Variants in SCLT1 observed in about 807,000 individuals in gnomAD.
The protein encoded by SCLT1 is sodium channel-associated protein 1.
A neutral mutation model predicts 112.8 loss-of-function variants in SCLT1; 78 were observed. That is an observed-to-expected ratio of 0.69 (90% CI 0.58 to 0.83). The LOEUF is 0.83. SCLT1 is among the 40% of genes least tolerant of loss of function. SCLT1 has a pLI of 0.00. For missense variants in SCLT1, 747 were observed against 770.4 expected (o/e 0.97, Z 0.36); for synonymous variants, 257 against 254.7 (o/e 1.01, Z -0.09).
chr4:128,948,410 C>G, intron 15 of SCLT1, 86 bp downstream of exon 15: 1 of 1,371,694 alleles, frequency 7.3e-7, no homozygotes, highest in Non-Finnish European at 9.6e-7. Flanking sequence ...AAAGGAATTG[C>G]TAGTAGATGG....
intron 5 of SCLT1, among the ~76,000 whole-genome samples, chr4:129,014,010 C>A (rs1025516960): frequency 1.3e-5 from 2 of 152,128 alleles, no homozygotes; most frequent in Admixed American, 1.3e-4. Flanking sequence ...CACTCCTTTT[C>A]ATTCTTTTAT....
At chr4:129,025,092 C>T (rs1458900415) in intron 5 of SCLT1, among the ~76,000 whole-genome samples, 27 of 151,854 alleles carry the variant, frequency 1.8e-4, no homozygotes, top group South Asian at 1.0e-3. Flanking sequence ...CTGAAAGTGA[C>T]GGGGAGAATG....
chr4:129,084,626 A>G (rs1031396386), intron 1 of SCLT1, among the ~76,000 whole-genome samples: 3 of 152,178 alleles, frequency 2.0e-5, no homozygotes, highest in Non-Finnish European at 2.9e-5. Flanking sequence ...GAACTACACT[A>G]CAGGGCCACA....
chr4:129,039,904 A>G (rs201792964), intron 4 of SCLT1: 469 of 12,798 alleles, frequency 0.037, 3 homozygotes, highest in East Asian at 0.18. Context: ...GCGCGCGCAC[A>G]CACACACACA....
chr4:129,080,315 A>G (rs973178792), intron 2 of SCLT1, among the ~76,000 whole-genome samples: 3 of 152,232 alleles, frequency 2.0e-5, no homozygotes, highest in African/African-American at 4.8e-5. Context: ...CCTTCTAAAT[A>G]TAAGTTCCAG....
chr4:129,070,259 T>C (rs889114922), intron 2 of SCLT1, among the ~76,000 whole-genome samples: 1 of 152,216 alleles, frequency 6.6e-6, no homozygotes, highest in Non-Finnish European at 1.5e-5. Context: ...AATAGTGTGA[T>C]GCTGGCTTCA....
At chr4:129,021,210 C>T (rs1579727789) in intron 5 of SCLT1, among the ~76,000 whole-genome samples, 1 of 152,288 alleles carries the variant, frequency 6.6e-6, no homozygotes, top group South Asian at 2.1e-4. Flanking sequence ...CTATGCTTTT[C>T]CCACGGTTTC....
At chr4:129,031,983 C>A (rs1746765052) in intron 5 of SCLT1, among the ~76,000 whole-genome samples, 1 of 152,020 alleles carries the variant, frequency 6.6e-6, no homozygotes, top group African/African-American at 2.4e-5. Context: ...AAAAAGAGCC[C>A]ATATAGCCAA....
At chr4:128,965,169 C>T (rs1162575048) in intron 11 of SCLT1, 58 bp downstream of exon 11, 1 of 863,340 alleles carries the variant, frequency 1.2e-6, no homozygotes, top group Non-Finnish European at 1.9e-6. Flanking sequence ...CACTGAAACT[C>T]TATTGTAAAA....
intron 18 of SCLT1, among the ~76,000 whole-genome samples, chr4:128,899,880 AACAG>A (rs1280475528): frequency 1.3e-5 from 2 of 152,284 alleles, no homozygotes; most frequent in Admixed American, 1.3e-4. Flanking sequence ...ATACACCAAT[AACAG>A]ACAAACAGAG....
At chr4:129,085,610 A>G (rs910494849) in intron 1 of SCLT1, among the ~76,000 whole-genome samples, 6 of 152,210 alleles carry the variant, frequency 3.9e-5, no homozygotes, top group African/African-American at 1.4e-4. Flanking sequence ...CATGAAATCA[A>G]CCTTAATGCC....
Position 129,009,748 on chromosome 4 carries a change from T to C in SCLT1, c.291-5872A>G, listed in dbSNP as rs60005322. ...TTTTTTCATATGGTTATTGGCCACATGTATGTCTTCTTTTGAAAGGTGTTC... is the reference window on the plus strand; with the variant it reads ...TTTTTTCATATGGTTATTGGCCACACGTATGTCTTCTTTTGAAAGGTGTTC... On this transcript the variant is annotated intron_variant, in intron 5 of 20. Transcript: ENST00000281142. Among the ~76,000 whole-genome samples, 568 of 152,340 alleles carry C rather than the reference T, an allele frequency of 3.7e-3. 1 individual carries two copies. The highest frequency in any genetic ancestry group is 0.011 in the African/African-American group (471 of 41,586).
chr4:128,935,858 T>C (rs1453947130), intron 18 of SCLT1, among the ~76,000 whole-genome samples: 1 of 152,132 alleles, frequency 6.6e-6, no homozygotes, highest in Non-Finnish European at 1.5e-5. Context: ...AAAAATCATG[T>C]GTATGTTAAT....
At chr4:128,943,334 CA>C (rs1737871223) in intron 16 of SCLT1, 146 bp from the exon 17 acceptor site, 2 of 567,312 alleles carry the variant, frequency 3.5e-6, no homozygotes, top group South Asian at 5.6e-5. Flanking sequence ...TATGTGGTTT[CA>C]AAATGTTATG....
At chr4:129,076,121 C>A (rs1400527418) in intron 2 of SCLT1, among the ~76,000 whole-genome samples, 2 of 152,122 alleles carry the variant, frequency 1.3e-5, no homozygotes, top group Non-Finnish European at 2.9e-5. Context: ...TCATAGGATA[C>A]TGTAATTTTA....
At chr4:128,923,166 C>T (rs1313295032) in intron 18 of SCLT1, among the ~76,000 whole-genome samples, 1 of 152,104 alleles carries the variant, frequency 6.6e-6, no homozygotes, top group Non-Finnish European at 1.5e-5. Flanking sequence ...ACAGAATAAG[C>T]CACATGCGGT....
Position 129,093,163 on chromosome 4 carries a change from G to C in SCLT1, c.-60C>G. 1 of 1,533,474 alleles carries C rather than the reference G, an allele frequency of 6.5e-7. No homozygotes were observed. The highest frequency in any genetic ancestry group is 1.1e-5 in the South Asian group (1 of 89,396). 95.0% of individuals were successfully genotyped at this position (1,533,474 alleles called of 1,614,324 possible). ...TTTACCTTCCTCTGAAAGACAGAGA[G>C]CTTGCTGTGCGGGAAAACAAAACTA... On this transcript the variant is annotated 5_prime_UTR_variant, in exon 1 of 21. Transcript: ENST00000281142.
chr4:129,043,618 A>G (rs1672646746), intron 3 of SCLT1, 151 bp from the exon 4 acceptor site: 1 of 572,634 alleles, frequency 1.7e-6, no homozygotes, highest in African/African-American at 1.9e-5. Context: ...GGAATTTTAA[A>G]TATTTGCACA....
At chr4:129,004,089 C>A (rs144757929) in intron 5 of SCLT1, among the ~76,000 whole-genome samples, 1 of 152,014 alleles carries the variant, frequency 6.6e-6, no homozygotes, top group Admixed American at 6.6e-5. Flanking sequence ...TGCATTAAAT[C>A]GATCACAATT....
Sources: gnomAD v4.1 joint callset for allele counts (sites outside exome capture counted in the v4.1 genomes callset) on GRCh38, gnomAD v4.1.1 for gene constraint, MANE v1.5 for transcripts, NCBI Gene and HGNC (gene_info 2026-07-23, HGNC 2026-07-21) for gene names.